The following MAP2K5 variants were observed in gnomAD, a reference collection of about 807,000 sequenced individuals.
MAP2K5 encodes the protein dual specificity mitogen-activated protein kinase kinase 5.
MAP2K5 carries 49 observed loss-of-function variants against 83.1 expected under a neutral mutation model. That is an observed-to-expected ratio of 0.59 (90% CI 0.47 to 0.75). The LOEUF is 0.75. MAP2K5 is among the 30% of genes least tolerant of loss of function. The pLI is 0.00. For synonymous variants in MAP2K5, 202 were observed against 191.8 expected (o/e 1.05, Z -0.44); for missense variants, 457 against 557.5 (o/e 0.82, Z 1.82).
chr15:67,563,365 A>C lies in MAP2K5; in HGVS notation c.252+15A>C, dbSNP rs748906365. 1.2e-6 allele frequency: 2 copies of C among 1,600,968 alleles called. No individual in the cohort carries two copies. Among genetic ancestry groups the C allele is most frequent in the South Asian group, 2.3e-5 (2 of 88,532 alleles). Reference sequence around the variant, plus strand: ...TGCTGTCATATGTAAGTATACGACAAATGAAGACTATTTTTTAAAATCTTA... The same window carrying C: ...TGCTGTCATATGTAAGTATACGACACATGAAGACTATTTTTTAAAATCTTA... On this transcript the variant is annotated intron_variant, in intron 3 of 21. Coordinates refer to ENST00000178640, the MANE Select transcript of MAP2K5 (RefSeq NM_145160.3). The surrounding 1 kb of genome is among the most constrained non-coding windows in gnomAD (Gnocchi z 4.5).
At position 67,709,000 on chromosome 15, in the gene MAP2K5, A is replaced by T. The variant is rs77182350; in HGVS notation, c.1044+5592A>T. On this transcript the variant is annotated intron_variant, in intron 16 of 21. Transcript: ENST00000178640. The surrounding 1 kb of genome is among the most constrained non-coding windows in gnomAD (Gnocchi z 4.9). ...TGGAGTTGGCAGATGTAACAAAAAG[A>T]TGGAAGTTATCCTTAGGAAGGGAAA... is the stretch of plus-strand genomic sequence containing the variant. 1.5e-3 allele frequency among the ~76,000 whole-genome samples: 225 copies of T among 152,314 alleles called. No individual in the cohort carries two copies. Among genetic ancestry groups the T allele is most frequent in the African/African-American group, 5.1e-3 (210 of 41,572 alleles).
rs768315306 is a variant in MAP2K5, at chr15:67,720,660, G to A, written c.1045-7256G>A. Reference sequence around the variant, plus strand: ...AATTGCTATGTGGCGGATGAGCCCCGTCAGAAGAGCTGAAAATGAGGAAGT... The same window carrying A: ...AATTGCTATGTGGCGGATGAGCCCCATCAGAAGAGCTGAAAATGAGGAAGT... On this transcript the variant is annotated intron_variant, in intron 16 of 21. Transcript: ENST00000178640. This position sits in a 1 kb window ranked among gnomAD's most constrained non-coding sequence, Gnocchi z 5.7. Among the ~76,000 whole-genome samples, 6 of 152,120 alleles carry A rather than the reference G, an allele frequency of 3.9e-5. No individual in the cohort carries two copies. Among genetic ancestry groups the A allele is most frequent in the Admixed American group, 2.0e-4 (3 of 15,268 alleles).
At chr15:67,556,578 G>C (rs2084631387) in intron 2 of MAP2K5, among the ~76,000 whole-genome samples, 2 of 135,952 alleles carry the variant, frequency 1.5e-5, no homozygotes, top group Non-Finnish European at 3.1e-5. Flanking sequence ...TTGAGATGGA[G>C]TCTTGCTCTG....
intron 13 of MAP2K5, among the ~76,000 whole-genome samples, chr15:67,681,198 G>T (rs1220707407): frequency 6.6e-6 from 1 of 152,164 alleles, no homozygotes; most frequent in Non-Finnish European, 1.5e-5. Context: ...CAAGATATCA[G>T]ATATCAGGAT....
intron 8 of MAP2K5, chr15:67,627,839 C>T: frequency 2.0e-6 from 1 of 497,168 alleles, no homozygotes; most frequent in Non-Finnish European, 3.7e-6. Context: ...AGTCTCTGTT[C>T]TCCCTGCTGT....
At chr15:67,683,666 G>A (rs1020153181) in intron 13 of MAP2K5, among the ~76,000 whole-genome samples, 1 of 152,120 alleles carries the variant, frequency 6.6e-6, no homozygotes, top group Non-Finnish European at 1.5e-5. Flanking sequence ...GGAGGCTGAG[G>A]CAGGAGAAGC....
rs377092933 is a variant in MAP2K5 at position 67,631,371 on chromosome 15, C to T, written c.585+444C>T. 3.9e-5 allele frequency among the ~76,000 whole-genome samples: 6 copies of T among 152,298 alleles called. No individual in the cohort carries two copies. In the East Asian group the frequency reaches 9.6e-4, roughly 24 times the overall value. On this transcript the variant is annotated intron_variant, in intron 9 of 21. Transcript: ENST00000178640. ...TTGCCATGGTCTTGGATCGGGCTCA[C>T]ATTACCTCCTACCTGGACTTTTGAA...
At chr15:67,599,256 A>G (rs1269794290) in intron 7 of MAP2K5, among the ~76,000 whole-genome samples, 4 of 152,212 alleles carry the variant, frequency 2.6e-5, no homozygotes, top group Admixed American at 6.5e-5. Context: ...ATAGTTGCCA[A>G]TTGTTCTGGC....
At chr15:67,658,644 T>A (rs779043647) in intron 12 of MAP2K5, 30 bp downstream of exon 12, 1 of 1,548,054 alleles carries the variant, frequency 6.5e-7, no homozygotes, top group Non-Finnish European at 8.9e-7. Flanking sequence ...GTTAGGAAAT[T>A]TGAGTGATTT....
rs2090227585 is a variant in MAP2K5, at chr15:67,775,820, G to A, written c.1242+3068G>A. Among the ~76,000 whole-genome samples, 3 of 152,140 alleles carry A rather than the reference G, an allele frequency of 2.0e-5. No individual in the cohort carries two copies. The highest frequency in any genetic ancestry group is 6.5e-5 in the Admixed American group (1 of 15,284). ...GATGGGCAAAGCATGAGTGTATCTC[G>A]GTTTCAGACATTTTCAGAGCAATGT... is the stretch of plus-strand genomic sequence containing the variant. On this transcript the variant is annotated intron_variant, in intron 21 of 21. Transcript: ENST00000178640. The surrounding 1 kb of genome is among the most constrained non-coding windows in gnomAD (Gnocchi z 5.3).
In MAP2K5 at chr15:67,777,460, C is replaced by G. The variant is rs186514828; in HGVS notation, c.1242+4708C>G. 6.6e-6 allele frequency among the ~76,000 whole-genome samples: 1 copy of G among 152,330 alleles called. No homozygotes were observed. Among genetic ancestry groups the G allele is most frequent in the East Asian group, 1.9e-4 (1 of 5,194 alleles). ...GATCAATCGCTGGCTAATACTTTAT[C>G]TAGGCCACTTTATTATCTCATGCTG... is the stretch of plus-strand genomic sequence containing the variant. On this transcript the variant is annotated intron_variant, in intron 21 of 21. Coordinates refer to ENST00000178640, the MANE Select transcript of MAP2K5 (RefSeq NM_145160.3). This position sits in a 1 kb window ranked among gnomAD's most constrained non-coding sequence, Gnocchi z 6.0.
intron 8 of MAP2K5, among the ~76,000 whole-genome samples, chr15:67,624,644 T>C (rs1168070656): frequency 6.7e-6 from 1 of 149,176 alleles, no homozygotes; most frequent in Non-Finnish European, 1.5e-5. Context: ...TGTGTGAGTG[T>C]GTTTGACGGA....
chr15:67,663,568 A>G (rs1023464235), intron 12 of MAP2K5, among the ~76,000 whole-genome samples: 3 of 152,096 alleles, frequency 2.0e-5, no homozygotes, highest in African/African-American at 4.8e-5. Flanking sequence ...TTCATTAGTT[A>G]ACTTTTTAAA....
rs963682970 is a variant in MAP2K5 at position 67,637,829 on chromosome 15, T to C, written c.585+6902T>C. 2.6e-5 allele frequency among the ~76,000 whole-genome samples: 4 copies of C among 152,036 alleles called. No homozygotes were observed. Among genetic ancestry groups the C allele is most frequent in the East Asian group, 3.9e-4 (2 of 5,186 alleles). Reference sequence around the variant, plus strand: ...CTCTGGTCAGCAAGCTGGGCAATCATAGGGCTCATCTCATTTGTTTTCCAT... The same window carrying C: ...CTCTGGTCAGCAAGCTGGGCAATCACAGGGCTCATCTCATTTGTTTTCCAT... On this transcript the variant is annotated intron_variant, in intron 9 of 21. Coordinates refer to ENST00000178640, the MANE Select transcript of MAP2K5 (RefSeq NM_145160.3). This position sits in a 1 kb window ranked among gnomAD's most constrained non-coding sequence, Gnocchi z 4.5.
intron 17 of MAP2K5, among the ~76,000 whole-genome samples, chr15:67,743,393 A>G (rs1596894840): frequency 6.6e-6 from 1 of 152,200 alleles, no homozygotes; most frequent in Admixed American, 6.6e-5. Flanking sequence ...AACAGGGGAG[A>G]TAGGATTGCA....
Position 67,552,560 on chromosome 15 carries a change from G to A in MAP2K5, c.184+2478G>A, listed in dbSNP as rs576783839. ...AGTGATCTTCCTGCCTCAGCCTCCC[G>A]AGTAGCTGGGACTACAGGCACCCAC... is the stretch of plus-strand genomic sequence containing the variant. On this transcript the variant is annotated intron_variant, in intron 2 of 21. Coordinates refer to ENST00000178640, the MANE Select transcript of MAP2K5 (RefSeq NM_145160.3). The surrounding 1 kb of genome is among the most constrained non-coding windows in gnomAD (Gnocchi z 4.2). 2.6e-5 allele frequency among the ~76,000 whole-genome samples: 4 copies of A among 152,042 alleles called. No homozygotes were observed. Among genetic ancestry groups the A allele is most frequent in the Admixed American group, 2.0e-4 (3 of 15,262 alleles).
intron 13 of MAP2K5, among the ~76,000 whole-genome samples, chr15:67,670,713 A>AC (rs1195516143): frequency 2.0e-5 from 3 of 151,002 alleles, no homozygotes; most frequent in Non-Finnish European, 3.0e-5. Context: ...CAGCCAGCCA[A>AC]CCCCCCCACC....
At chr15:67,616,252 A>G (rs1356916704) in intron 8 of MAP2K5, among the ~76,000 whole-genome samples, 1 of 152,214 alleles carries the variant, frequency 6.6e-6, no homozygotes, top group East Asian at 1.9e-4. Flanking sequence ...TGATGATCCT[A>G]CAGTATATTA....
At chr15:67,557,175 C>T (rs1259459812) in intron 2 of MAP2K5, among the ~76,000 whole-genome samples, 1 of 152,138 alleles carries the variant, frequency 6.6e-6, no homozygotes, top group African/African-American at 2.4e-5. Context: ...CAACCGTGCC[C>T]ACTAATGCAT....
Sources: gnomAD v4.1 joint callset for allele counts (sites outside exome capture counted in the v4.1 genomes callset) on GRCh38, gnomAD v4.1.1 for gene constraint, Gnocchi (gnomAD v3.1) non-coding constraint, MANE v1.5 for transcripts, NCBI Gene and HGNC (gene_info 2026-07-23, HGNC 2026-07-21) for gene names.